The following CRISPLD2 variants were observed in gnomAD, a reference collection of about 807,000 sequenced individuals.
CRISPLD2 encodes cysteine rich secretory protein LCCL domain containing 2.
CRISPLD2 carries 47 observed loss-of-function variants against 71.1 expected under a neutral mutation model. The observed-to-expected ratio is 0.66, with a 90% CI of 0.52 to 0.84. CRISPLD2 has a LOEUF of 0.84. Ranked by LOEUF, CRISPLD2 falls within the 40% of genes least tolerant of loss-of-function variation. The probability of loss-of-function intolerance (pLI) is 0.00; values close to 1 mark genes in which losing one functional copy is unlikely to be tolerated. For missense variants in CRISPLD2, 830 were observed against 651.1 expected (o/e 1.27, Z -2.99); for synonymous variants, 317 against 250.1 (o/e 1.27, Z -2.52).
intron 1 of CRISPLD2, chr16:84,828,132 C>T (rs890061993): frequency 2.0e-5 from 3 of 152,220 alleles, no homozygotes; most frequent in African/African-American, 7.2e-5. Context: ...GCAGCCAGCT[C>T]TCGACTCATC....
chr16:84,891,221 A>G (rs2071659600), intron 14 of CRISPLD2, among the ~76,000 whole-genome samples: 1 of 152,242 alleles, frequency 6.6e-6, no homozygotes, highest in African/African-American at 2.4e-5. Flanking sequence ...TCTTTAGAGA[A>G]GGAATAAAAT....
At chr16:84,836,574 G>A (rs1916626296) in intron 1 of CRISPLD2, 1 of 152,174 alleles carries the variant, frequency 6.6e-6, no homozygotes, top group African/African-American at 2.4e-5. Flanking sequence ...GCTCAGTCAG[G>A]ACCCTGGAGA....
At chr16:84,881,544 A>G (rs2071568630) in intron 13 of CRISPLD2, among the ~76,000 whole-genome samples, 2 of 152,316 alleles carry the variant, frequency 1.3e-5, no homozygotes, top group South Asian at 4.1e-4. Context: ...CTTGTGGCGG[A>G]ACGGCCCAGA....
intron 14 of CRISPLD2, among the ~76,000 whole-genome samples, chr16:84,900,191 A>G (rs1485522502): frequency 6.6e-6 from 1 of 151,786 alleles, no homozygotes; most frequent in Non-Finnish European, 1.5e-5. Context: ...CTCCCATCTG[A>G]TACACGTTTC....
intron 6 of CRISPLD2, 85 bp from the exon 7 acceptor site, chr16:84,866,812 G>T (rs374658075): frequency 3.0e-6 from 4 of 1,345,034 alleles, no homozygotes; most frequent in Non-Finnish European, 3.1e-6. Flanking sequence ...AACACGTTTA[G>T]TTTTCAAATT....
At position 84,867,037 on chromosome 16, in the gene CRISPLD2, A is replaced by C; in HGVS notation, c.850A>C (p.Met284Leu). Residue 284 changes from methionine to leucine, a missense_variant, in exon 7 of 15, where the codon ATG becomes CTG. By Grantham distance (15) the Met-to-Leu change is conservative. Transcript: ENST00000262424. ...CAAGAAAACCTCTGCGGTCAACTAC[A>C]TGAGTGAGTCTAGGCCGTCCTCCGC... ...KPKKTSAVNY[M>L]TQVVRCDTKM... The C allele has an allele frequency of 2.5e-6, 4 of 1,613,994 alleles. No homozygotes were observed. The highest frequency in any genetic ancestry group is 4.5e-5 in the East Asian group (2 of 44,860).
rs2071487403 is a variant in CRISPLD2 at position 84,873,208 on chromosome 16, C to T, written c.1112+86C>T. 11 of 1,507,870 alleles carry T rather than the reference C, an allele frequency of 7.3e-6. No individual in the cohort carries two copies. In the East Asian group the frequency reaches 1.2e-4, roughly 16 times the overall value. The allele number at this position is 1,507,870 out of a possible 1,614,324, so 93.4% of individuals were successfully genotyped here. ...AAATTTTGAAAAATACCACACAGGC[C>T]GGGCGTGGTGGCTCACACCTGCACT... On this transcript the variant is annotated intron_variant, in intron 10 of 14. Coordinates refer to ENST00000262424, the MANE Select transcript of CRISPLD2 (RefSeq NM_031476.4).
At chr16:84,824,783 G>A (rs1916309791) in intron 1 of CRISPLD2, among the ~76,000 whole-genome samples, 2 of 152,126 alleles carry the variant, frequency 1.3e-5, no homozygotes, top group African/African-American at 2.4e-5. Context: ...TTCTTGGAAC[G>A]CAAAAAACAA....
rs762978773 is a variant in CRISPLD2, at chr16:84,850,579, C to T, written c.504C>T (p.Ala168=). 1 of 1,614,046 alleles carries T rather than the reference C, an allele frequency of 6.2e-7. No individual in the cohort carries two copies. Among genetic ancestry groups the T allele is most frequent in the Non-Finnish European group, 8.5e-7 (1 of 1,179,978 alleles). The change falls in exon 5 of 15, where the codon GCC becomes GCT. Residue 168 remains alanine, a synonymous_variant. Transcript: ENST00000262424. The part of the protein sequence containing the change: ...MCTHYTQIVW[A]TTNKIGCAVN... ...TGTCATCTTTTCAGATAGTTTGGGC[C>T]ACCACCAACAAGATCGGTTGTGCTG...
At chr16:84,865,809 A>C (rs1917520407) in intron 6 of CRISPLD2, among the ~76,000 whole-genome samples, 1 of 152,310 alleles carries the variant, frequency 6.6e-6, no homozygotes, top group Middle Eastern at 3.4e-3. Context: ...TTCAGGATGA[A>C]AACTGGAAGA....
At chr16:84,884,354 G>A (rs150745982) in intron 13 of CRISPLD2, among the ~76,000 whole-genome samples, 192 of 152,298 alleles carry the variant, frequency 1.3e-3, no homozygotes, top group Non-Finnish European at 2.6e-4. Context: ...GAGTTACTGG[G>A]ATCACTGTGT....
At chr16:84,872,547 G>A in intron 9 of CRISPLD2, 39 bp downstream of exon 9, 2 of 1,539,436 alleles carry the variant, frequency 1.3e-6, no homozygotes, top group South Asian at 1.1e-5. Flanking sequence ...GCTTGTGTGG[G>A]ATCCTGTTGC....
chr16:84,864,515 G>T (rs1031272361), intron 6 of CRISPLD2, among the ~76,000 whole-genome samples: 2 of 152,210 alleles, frequency 1.3e-5, no homozygotes, highest in African/African-American at 4.8e-5. Context: ...GGGAAGAACA[G>T]ACACGCGCCT....
chr16:84,894,569 G>A (rs2071689846), intron 14 of CRISPLD2, among the ~76,000 whole-genome samples: 1 of 152,176 alleles, frequency 6.6e-6, no homozygotes, highest in Non-Finnish European at 1.5e-5. Context: ...GTCTGCTGTG[G>A]CAAGTGCAGC....
intron 9 of CRISPLD2, 121 bp from the exon 10 acceptor site, chr16:84,872,871 T>G: frequency 1.1e-4 from 142 of 1,254,172 alleles, no homozygotes; most frequent in Middle Eastern, 2.9e-4. Context: ...AGGAGCAGAG[T>G]GAGCTTTGGC....
chr16:84,880,598 A>G lies in CRISPLD2; in HGVS notation c.1305+14A>G. The G allele has an allele frequency of 6.2e-7, 1 of 1,609,642 alleles. No individual in the cohort carries two copies. The highest frequency in any genetic ancestry group is 8.5e-7 in the Non-Finnish European group (1 of 1,176,296). On this transcript the variant is annotated intron_variant, in intron 13 of 14. Coordinates refer to ENST00000262424, the MANE Select transcript of CRISPLD2 (RefSeq NM_031476.4). ...ATCTATGCAGATGTGAGTAGGATGC[A>G]TTTTCAACAACTATCTCGCAAAGCC...
chr16:84,891,366 T>A (rs1230588671), intron 14 of CRISPLD2, among the ~76,000 whole-genome samples: 5 of 152,138 alleles, frequency 3.3e-5, no homozygotes, highest in Non-Finnish European at 5.9e-5. Flanking sequence ...TGCCACAGCA[T>A]CACTTGTACC....
chr16:84,867,149 A>G, intron 7 of CRISPLD2, 109 bp downstream of exon 7: 3 of 1,108,156 alleles, frequency 2.7e-6, no homozygotes, highest in Non-Finnish European at 3.9e-6. Flanking sequence ...ATCCACAGGC[A>G]GTGGCAAACA....
In CRISPLD2 at chr16:84,886,377, C is replaced by T. The variant is rs550540777; in HGVS notation, c.1306-2853C>T. On this transcript the variant is annotated intron_variant, in intron 13 of 14. Coordinates refer to ENST00000262424, the MANE Select transcript of CRISPLD2 (RefSeq NM_031476.4). ...ATGCTTCCGGGGCCCCCGGATGGGC[C>T]GAGGACAGTGGTAAGGACGGGACAA... Among the ~76,000 whole-genome samples the T allele has an allele frequency of 5.9e-5, 9 of 152,258 alleles. No individual in the cohort carries two copies. The East Asian group carries it at 1.4e-3, about 23-fold the overall frequency.
Sources: gnomAD v4.1 joint callset for allele counts (sites outside exome capture counted in the v4.1 genomes callset) on GRCh38, gnomAD v4.1.1 for gene constraint, MANE v1.5 for transcripts, NCBI Gene and HGNC (gene_info 2026-07-23, HGNC 2026-07-21) for gene names.